CR1: variants seen among roughly 807,000 people sequenced by gnomAD.
CR1 encodes the protein complement receptor type 1.
In CR1, 116 loss-of-function variants were observed where a neutral mutation model predicts 187.3. The observed-to-expected ratio is 0.62, with a 90% CI of 0.53 to 0.72. The LOEUF (loss-of-function observed/expected upper bound fraction) is 0.72. Among genes scored for constraint, CR1 ranks in the 30% least tolerant of loss-of-function variants. The probability of loss-of-function intolerance (pLI) is 0.00; values close to 1 mark genes in which losing one functional copy is unlikely to be tolerated. For synonymous variants in CR1, 576 were observed against 747.1 expected (o/e 0.77, Z 3.73); for missense variants, 1,731 against 2,110.7 (o/e 0.82, Z 3.52).
In CR1 at chr1:207,609,535, A is replaced by C; in HGVS notation, c.6142A>C (p.Asn2048His). 1 of 1,613,986 alleles carries C rather than the reference A, an allele frequency of 6.2e-7. No individual in the cohort carries two copies. The highest frequency in any genetic ancestry group is 8.5e-7 in the Non-Finnish European group (1 of 1,179,880). Residue 2048 changes from asparagine (N) to histidine (H), a missense_variant, in exon 37 of 47, where the codon AAT becomes CAT. Coordinates refer to ENST00000367049, the MANE Select transcript of CR1 (RefSeq NM_000651.6). ...TAAATGCACAGCTCCAGAAGTTGAA[A>C]ATGCAATTAGAGTACCAGGAAACAG... ...TNKCTAPEVE[N>H]AIRVPGNRSF...
rs1474144793 is a variant in CR1, at chr1:207,611,860, T to C, written c.6472+7T>C. 1 of 1,613,722 alleles carries C rather than the reference T, an allele frequency of 6.2e-7. No homozygotes were observed. The highest frequency in any genetic ancestry group is 8.5e-7 in the Non-Finnish European group (1 of 1,179,824). On this transcript the variant is annotated splice_region_variant and intron_variant, in intron 38 of 46. Transcript: ENST00000367049. Reference sequence around the variant, plus strand: ...GAAGCCCCTAGATGTACAGGTGCCTTGACTCTCTGGCTTCCAGATTGCTCT... The same window carrying C: ...GAAGCCCCTAGATGTACAGGTGCCTCGACTCTCTGGCTTCCAGATTGCTCT...
At position 207,611,958 on chromosome 1, in the gene CR1, C is replaced by T. The variant is rs1413058298; in HGVS notation, c.6492C>T (p.Phe2164=). The stretch of plus-strand genomic sequence containing the variant: ...TTCTAGTGAAATCCTGTGATGACTT[C>T]CTGGGCCAACTCCCTCATGGCCGTG... ...PRCTVKSCDD[F]LGQLPHGRVL... is the part of the protein sequence containing the mutation. Residue 2164 remains phenylalanine (F), a synonymous_variant, in exon 39 of 47, where the codon TTC becomes TTT. Transcript: ENST00000367049. 17 of 1,613,934 alleles carry T rather than the reference C, an allele frequency of 1.1e-5. No individual in the cohort carries two copies. In the South Asian group the frequency reaches 1.6e-4, roughly 16 times the overall value.
Position 207,567,994 on chromosome 1 carries a change from C to T in CR1, c.4123C>T (p.Gln1375Ter). The T allele has an allele frequency of 5.6e-6, 9 of 1,610,564 alleles. No individual in the cohort carries two copies. The highest frequency in any genetic ancestry group is 7.6e-6 in the Non-Finnish European group (9 of 1,179,576). ...ESTIRCTSDP[Q>*]GNGVWSSPAP... ...CACCATCCGCTGCACAAGTGACCCT[C>T]AAGGGAATGGGGTTTGGAGCAGCCC... The change falls in exon 25 of 47, where the codon CAA becomes TAA. Residue 1375 changes from glutamine to a stop codon, truncating the protein, a stop_gained. Coordinates refer to ENST00000367049, the MANE Select transcript of CR1 (RefSeq NM_000651.6). LOFTEE classifies it high-confidence loss of function.
intron 35 of CR1, among the ~76,000 whole-genome samples, chr1:207,590,220 G>GTCTC (rs1661231354): frequency 6.6e-6 from 1 of 152,158 alleles, no homozygotes; most frequent in African/African-American, 2.4e-5. Context: ...GAAAGGTCGG[G>GTCTC]TTACCTACAA....
rs369632766 is a variant in CR1 at position 207,580,553 on chromosome 1, G to A, written c.5156G>A (p.Arg1719His). Residue 1719 changes from arginine to histidine, a missense_variant, in exon 31 of 47, where the codon CGT (arginine) becomes CAT (histidine). Transcript: ENST00000367049. The stretch of plus-strand genomic sequence containing the variant: ...TTCTTGGGTCAACTCCCTCATGGCC[G>A]TGTGCTATTTCCACTTAATCTCCAG... The part of the protein sequence containing the change: ...DDFLGQLPHG[R>H]VLFPLNLQLG... The A allele has an allele frequency of 1.2e-4, 187 of 1,610,860 alleles. No homozygotes were observed. Among genetic ancestry groups the A allele is most frequent in the Non-Finnish European group, 1.4e-4 (171 of 1,179,546 alleles).
chr1:207,622,233 T>C (rs1662335792), intron 44 of CR1, among the ~76,000 whole-genome samples: 1 of 152,236 alleles, frequency 6.6e-6, no homozygotes, highest in Non-Finnish European at 1.5e-5. Flanking sequence ...CTTTACTATC[T>C]TTGAACCATT....
chr1:207,605,816 C>T (rs1661732741), intron 35 of CR1: 1 of 152,006 alleles, frequency 6.6e-6, no homozygotes, highest in Admixed American at 6.6e-5. Context: ...GATTGTATAC[C>T]ATAGCCTAAA....
rs113262432 is a variant in CR1 at position 207,500,854 on chromosome 1, G to A, written c.121+4466G>A. 4.6e-3 allele frequency among the ~76,000 whole-genome samples: 699 copies of A among 152,230 alleles called. 9 individuals are homozygous for A. The highest frequency in any genetic ancestry group is 0.016 in the African/African-American group (662 of 41,544). ...TTTTGTTTGTAATAGCCAACACGTG[G>A]AAACAATCCAAATGTCCCTCAACAA... On this transcript the variant is annotated intron_variant, in intron 1 of 46. Transcript: ENST00000367049.
At chr1:207,573,807 A>C (rs947108674) in intron 27 of CR1, among the ~76,000 whole-genome samples, 1 of 152,202 alleles carries the variant, frequency 6.6e-6, no homozygotes, top group African/African-American at 2.4e-5. Context: ...GAGTTAACCA[A>C]ATGTTCCCTG....
chr1:207,623,013 T>A lies in CR1; in HGVS notation c.7297T>A (p.Phe2433Ile), dbSNP rs948794732. The A allele has an allele frequency of 6.3e-7, 1 of 1,578,140 alleles. No individual in the cohort carries two copies. Among genetic ancestry groups the A allele is most frequent in the African/African-American group, 1.3e-5 (1 of 74,634 alleles). Residue 2433 changes from phenylalanine to isoleucine, a missense_variant, in exon 45 of 47, where the codon TTC (phenylalanine) becomes ATC (isoleucine). Transcript: ENST00000367049. ...LIVGTLSGTI[F>I]FILLIIFLSW... Reference sequence around the variant, plus strand: ...CCTAGGCACTTTATCTGGTACGATCTTCTTTATTTTACTCATCATTTTCCT... The same window carrying A: ...CCTAGGCACTTTATCTGGTACGATCATCTTTATTTTACTCATCATTTTCCT...
At chr1:207,518,235 TA>T (rs1659864445) in intron 4 of CR1, among the ~76,000 whole-genome samples, 1 of 152,238 alleles carries the variant, frequency 6.6e-6, no homozygotes, top group South Asian at 2.1e-4. Context: ...GCTTAATTTC[TA>T]AATATTTAGA....
chr1:207,612,078 G>A (rs1392760249), intron 39 of CR1, 37 bp downstream of exon 39: 2 of 1,590,768 alleles, frequency 1.3e-6, no homozygotes, highest in South Asian at 2.2e-5. Context: ...AGGACTCAGT[G>A]TGGAGAATCA....
intron 1 of CR1, among the ~76,000 whole-genome samples, chr1:207,501,255 C>A (rs992767994): frequency 1.9e-4 from 29 of 152,298 alleles, no homozygotes; most frequent in African/African-American, 5.3e-4. Flanking sequence ...GGATGGATTA[C>A]AGAAGGGCAT....
rs570479752 is a variant in CR1, at chr1:207,501,939, C to A, written c.122-3965C>A. The stretch of plus-strand genomic sequence containing the variant: ...CAGTGTTTTTTTTTTTTACAGTATC[C>A]TCAAAGTGCTGTTATCTATCAAAAT... On this transcript the variant is annotated intron_variant, in intron 1 of 46. Transcript: ENST00000367049. Among the ~76,000 whole-genome samples the A allele has an allele frequency of 5.3e-5, 8 of 151,684 alleles. No homozygotes were observed. In the South Asian group the frequency reaches 1.5e-3, roughly 28 times the overall value.
Position 207,511,489 on chromosome 1 carries a change from G to A in CR1, c.402-80G>A, listed in dbSNP as rs549405118. 2.9e-4 allele frequency: 410 copies of A among 1,395,328 alleles called. 8 individuals carry two copies. The South Asian group carries it at 4.5e-3, about 15-fold the overall frequency. The allele number at this position is 1,395,328 out of a possible 1,614,324, so 86.4% of individuals were successfully genotyped here. Reference sequence around the variant, plus strand: ...AAGTCCCTCTGAATCCTATAAGAGTGTAATCTCTGGAAGTAGTAATTTAAT... The same window carrying A: ...AAGTCCCTCTGAATCCTATAAGAGTATAATCTCTGGAAGTAGTAATTTAAT... On this transcript the variant is annotated intron_variant, in intron 3 of 46. Transcript: ENST00000367049.
intron 46 of CR1, among the ~76,000 whole-genome samples, chr1:207,638,723 T>C (rs1422390375): frequency 1.3e-5 from 2 of 152,218 alleles, no homozygotes; most frequent in African/African-American, 4.8e-5. Flanking sequence ...TAATAACCAA[T>C]TGAATTTCGC....
At chr1:207,621,922 A>G in intron 43 of CR1, 51 bp from the exon 44 acceptor site, 1 of 1,502,474 alleles carries the variant, frequency 6.7e-7, no homozygotes. Context: ...GGTCCTGTTC[A>G]ATCATGTTGC....
intron 44 of CR1, 87 bp downstream of exon 44, chr1:207,622,083 A>G: frequency 2.7e-6 from 3 of 1,104,102 alleles, no homozygotes; most frequent in Non-Finnish European, 3.9e-6. Flanking sequence ...AAAAAGAGAG[A>G]TCAAAATGTC....
At chr1:207,609,759 GGAA>G in intron 37 of CR1, 71 bp downstream of exon 37, 2 of 1,428,136 alleles carry the variant, frequency 1.4e-6, no homozygotes, top group East Asian at 4.9e-5. Context: ...TTGAAATTAA[GGAA>G]GAAGTGTATA....
Sources: allele counts gnomAD v4.1 joint callset (sites outside exome capture counted in the v4.1 genomes callset), GRCh38; gene constraint gnomAD v4.1.1; transcripts MANE v1.5; gene names NCBI Gene and HGNC (gene_info 2026-07-23, HGNC 2026-07-21).